Variants in NUBPL observed in about 807,000 individuals in gnomAD.
NUBPL encodes the protein iron-sulfur cluster transfer protein NUBPL.
A neutral mutation model predicts 45.7 loss-of-function variants in NUBPL; 31 were observed. The observed-to-expected ratio is 0.68, with a 90% CI of 0.51 to 0.92. The LOEUF (loss-of-function observed/expected upper bound fraction) is 0.92, where lower values mean the gene tolerates loss of function less well. NUBPL is among the 40% of genes least tolerant of loss of function. The probability of loss-of-function intolerance (pLI) is 0.00; values close to 1 mark genes in which losing one functional copy is unlikely to be tolerated. For missense variants in NUBPL, 401 were observed against 398.7 expected (o/e 1.01, Z -0.05); for synonymous variants, 144 against 140.9 (o/e 1.02, Z -0.15).
chr14:31,829,515 C>T (rs759590356), intron 8 of NUBPL, among the ~76,000 whole-genome samples: 1 of 152,142 alleles, frequency 6.6e-6, no homozygotes, highest in Non-Finnish European at 1.5e-5. Context: ...TGAGATCCCT[C>T]TGGGCCTTAA....
chr14:31,770,309 G>A (rs896007542), intron 6 of NUBPL, among the ~76,000 whole-genome samples: 5 of 152,134 alleles, frequency 3.3e-5, no homozygotes, highest in African/African-American at 7.2e-5. Flanking sequence ...TAGTTTGGCA[G>A]GCAGGGTGCT....
At chr14:31,667,615 T>G (rs926787147) in intron 4 of NUBPL, among the ~76,000 whole-genome samples, 1 of 152,174 alleles carries the variant, frequency 6.6e-6, no homozygotes, top group Non-Finnish European at 1.5e-5. Flanking sequence ...TGTGATTACT[T>G]GGAGGAGAAG....
chr14:31,661,348 TA>T, intron 4 of NUBPL, among the ~76,000 whole-genome samples: 1 of 152,374 alleles, frequency 6.6e-6, no homozygotes, highest in East Asian at 1.9e-4. Context: ...GTTTCTTTGT[TA>T]ACTTTCACTT....
chr14:31,660,709 A>G (rs577266810), intron 4 of NUBPL, among the ~76,000 whole-genome samples: 1 of 152,284 alleles, frequency 6.6e-6, no homozygotes, highest in South Asian at 2.1e-4. Context: ...TTCAAGTGAT[A>G]ATGTTGTTTT....
chr14:31,850,777 C>T (rs1335755630), intron 10 of NUBPL, among the ~76,000 whole-genome samples: 1 of 151,394 alleles, frequency 6.6e-6, no homozygotes, highest in African/African-American at 2.4e-5. Context: ...AGGTGTACAC[C>T]ACCATGCCCT....
intron 8 of NUBPL, among the ~76,000 whole-genome samples, chr14:31,835,756 C>T (rs1004196640): frequency 1.3e-5 from 2 of 152,132 alleles, no homozygotes; most frequent in African/African-American, 4.8e-5. Flanking sequence ...ACAAGAACAC[C>T]TGTCTCATTT....
rs562619297 is a variant in NUBPL at position 31,592,502 on chromosome 14, A to C, written c.292-6787A>C. Among the ~76,000 whole-genome samples, 10 of 152,276 alleles carry C rather than the reference A, an allele frequency of 6.6e-5. No individual in the cohort carries two copies. The South Asian group carries it at 1.2e-3, about 19-fold the overall frequency. On this transcript the variant is annotated intron_variant, in intron 3 of 10. Coordinates refer to ENST00000281081, the MANE Select transcript of NUBPL (RefSeq NM_025152.3). ...CTGGGGTGAGGTTGTCAGATTTAGC[A>C]AATAACAAATTTGAATTTCAGATAA...
intron 10 of NUBPL, 24 bp downstream of exon 10, chr14:31,850,225 A>G (rs773712642): frequency 1.4e-5 from 22 of 1,568,760 alleles, no homozygotes; most frequent in Non-Finnish European, 1.1e-5. Context: ...TTGGATACAT[A>G]TTTTTATTTC....
At chr14:31,645,913 A>C (rs972866212) in intron 4 of NUBPL, among the ~76,000 whole-genome samples, 4 of 151,918 alleles carry the variant, frequency 2.6e-5, no homozygotes, top group Non-Finnish European at 5.9e-5. Context: ...AGTGGACTAC[A>C]TACCATAATT....
At chr14:31,693,332 C>T (rs1006648874) in intron 6 of NUBPL, among the ~76,000 whole-genome samples, 1 of 152,142 alleles carries the variant, frequency 6.6e-6, no homozygotes, top group South Asian at 2.1e-4. Flanking sequence ...AAAAATACTT[C>T]AGACGACCTT....
chr14:31,751,803 G>A (rs1231134508), intron 6 of NUBPL, among the ~76,000 whole-genome samples: 2 of 152,210 alleles, frequency 1.3e-5, no homozygotes, highest in African/African-American at 4.8e-5. Context: ...TGCCCTAGTA[G>A]AGGTTTTCCA....
intron 4 of NUBPL, among the ~76,000 whole-genome samples, chr14:31,647,478 T>G (rs934962673): frequency 5.3e-5 from 8 of 152,248 alleles, no homozygotes; most frequent in Admixed American, 5.2e-4. Flanking sequence ...ATCAGAGCAC[T>G]GCCCATCTCA....
chr14:31,763,976 A>G (rs1422708521), intron 6 of NUBPL, among the ~76,000 whole-genome samples: 2 of 152,234 alleles, frequency 1.3e-5, no homozygotes, highest in African/African-American at 4.8e-5. Flanking sequence ...TAAGGCAGAC[A>G]AAATATGCTC....
At chr14:31,769,681 G>GT (rs1339853707) in intron 6 of NUBPL, among the ~76,000 whole-genome samples, 1 of 149,542 alleles carries the variant, frequency 6.7e-6, no homozygotes, top group Admixed American at 6.6e-5. Flanking sequence ...AAGCTTCTTT[G>GT]TTATTTTGGT....
intron 7 of NUBPL, among the ~76,000 whole-genome samples, chr14:31,817,526 A>G (rs2039942231): frequency 6.6e-6 from 1 of 152,250 alleles, no homozygotes. Context: ...CCAATACTCA[A>G]CATTCTTAAA....
chr14:31,680,916 G>T (rs1395991158), intron 6 of NUBPL, among the ~76,000 whole-genome samples: 1 of 152,004 alleles, frequency 6.6e-6, no homozygotes, highest in African/African-American at 2.4e-5. Context: ...GATATGGTGG[G>T]CCAACTGTAC....
At chr14:31,806,349 T>C (rs2039685547) in intron 7 of NUBPL, among the ~76,000 whole-genome samples, 1 of 152,040 alleles carries the variant, frequency 6.6e-6, no homozygotes, top group Admixed American at 6.6e-5. Context: ...ATGTGTTCTG[T>C]TATTAAAAGG....
chr14:31,694,954 A>T (rs1315796481), intron 6 of NUBPL, among the ~76,000 whole-genome samples: 1 of 152,262 alleles, frequency 6.6e-6, no homozygotes, highest in South Asian at 2.1e-4. Flanking sequence ...GACTTGTAAT[A>T]ATAAGCAAGA....
intron 7 of NUBPL, among the ~76,000 whole-genome samples, chr14:31,798,303 G>GGT (rs371596953): frequency 9.3e-6 from 1 of 107,286 alleles, no homozygotes; most frequent in Non-Finnish European, 1.7e-5. Context: ...TTTATTTATG[G>GGT]TTTTTTTTTT....
Sources: gnomAD v4.1 joint callset for allele counts (sites outside exome capture counted in the v4.1 genomes callset) on GRCh38, gnomAD v4.1.1 for gene constraint, MANE v1.5 for transcripts, NCBI Gene and HGNC (gene_info 2026-07-23, HGNC 2026-07-21) for gene names.